LSAMP: variants seen among roughly 807,000 people sequenced by gnomAD.
LSAMP encodes limbic system-associated membrane protein.
LSAMP carries 7 observed loss-of-function variants against 38.6 expected under a neutral mutation model. The observed-to-expected ratio is 0.18, with a 90% CI of 0.10 to 0.34. The LOEUF is 0.34. Among genes scored for constraint, LSAMP ranks in the 10% least tolerant of loss-of-function variants. The pLI is 1.00. For synonymous variants in LSAMP, 154 were observed against 166.8 expected, an observed-to-expected ratio of 0.92 and a Z score of 0.59; for missense variants, 313 against 420.0, an observed-to-expected ratio of 0.75 and a Z score of 2.23.
chr3:116,112,730 G>A (rs908498320), intron 1 of LSAMP, among the ~76,000 whole-genome samples: 4 of 152,148 alleles, frequency 2.6e-5, no homozygotes, highest in Admixed American at 1.3e-4. Context: ...AGTGGGGAAC[G>A]AGTTTGGTAT....
intron 1 of LSAMP, among the ~76,000 whole-genome samples, chr3:116,301,944 A>G (rs1177369096): frequency 6.6e-6 from 1 of 152,188 alleles, no homozygotes; most frequent in Non-Finnish European, 1.5e-5. Flanking sequence ...ATTCACCCAC[A>G]TTTCCATCAC....
rs942367257 is a variant in LSAMP, at chr3:116,304,698, G to T, written c.155+140179C>A. Among the ~76,000 whole-genome samples, 9 of 152,230 alleles carry T rather than the reference G, an allele frequency of 5.9e-5. No individual in the cohort carries two copies. The South Asian group carries it at 1.5e-3, about 25-fold the overall frequency. On this transcript the variant is annotated intron_variant, in intron 1 of 6. Coordinates refer to ENST00000490035, the MANE Select transcript of LSAMP (RefSeq NM_002338.5). ...GCAGCAGTTAGGGAAAATTAATTTT[G>T]GGGTATGGAGAACATCAAGAATACT...
At chr3:116,016,101 A>C (rs1940474709) in intron 3 of LSAMP, among the ~76,000 whole-genome samples, 1 of 152,130 alleles carries the variant, frequency 6.6e-6, no homozygotes, top group South Asian at 2.1e-4. Flanking sequence ...GGTCTCTTCC[A>C]CATAGCTTGT....
intron 3 of LSAMP, among the ~76,000 whole-genome samples, chr3:115,889,698 A>G (rs978142375): frequency 3.3e-5 from 5 of 151,928 alleles, no homozygotes; most frequent in Admixed American, 3.3e-4. Flanking sequence ...AGGTAACCCT[A>G]TAAGAGAAGT....
At chr3:116,288,027 T>TA (rs1313793496) in intron 1 of LSAMP, among the ~76,000 whole-genome samples, 3 of 151,948 alleles carry the variant, frequency 2.0e-5, no homozygotes, top group Non-Finnish European at 2.9e-5. Context: ...CAAAAAGATT[T>TA]AAAAAAAAGT....
At chr3:116,434,925 G>C (rs2049328413) in intron 1 of LSAMP, among the ~76,000 whole-genome samples, 1 of 152,152 alleles carries the variant, frequency 6.6e-6, no homozygotes, top group South Asian at 2.1e-4. Context: ...AAAACAACAG[G>C]CCTTGCATAG....
intron 1 of LSAMP, among the ~76,000 whole-genome samples, chr3:116,316,995 G>C (rs2047638034): frequency 6.6e-6 from 1 of 152,116 alleles, no homozygotes; most frequent in Non-Finnish European, 1.5e-5. Flanking sequence ...TTCCCGGCTT[G>C]AGTGGGGCTT....
chr3:116,006,250 GTT>G (rs1940156804), intron 3 of LSAMP, among the ~76,000 whole-genome samples: 2 of 152,076 alleles, frequency 1.3e-5, no homozygotes, highest in Admixed American at 1.3e-4. Flanking sequence ...ACACCAGAGA[GTT>G]TGCTCACTGT....
chr3:115,855,526 C>T (rs1309916634), intron 3 of LSAMP, among the ~76,000 whole-genome samples: 3 of 152,180 alleles, frequency 2.0e-5, no homozygotes, highest in Admixed American at 6.5e-5. Context: ...TAGCTCTCCT[C>T]CTCTCTGATG....
chr3:115,870,159 A>G (rs1935991290), intron 3 of LSAMP, among the ~76,000 whole-genome samples: 1 of 152,184 alleles, frequency 6.6e-6, no homozygotes, highest in Admixed American at 6.6e-5. Flanking sequence ...GCTTTCAGTT[A>G]CAATGACAGA....
At chr3:116,182,908 T>C (rs886265067) in intron 1 of LSAMP, among the ~76,000 whole-genome samples, 1 of 151,890 alleles carries the variant, frequency 6.6e-6, no homozygotes, top group African/African-American at 2.4e-5. Flanking sequence ...ATGACTATTG[T>C]AGATTTGCTG....
At position 116,064,502 on chromosome 3, in the gene LSAMP, CA is replaced by C. The variant is rs1241685941; in HGVS notation, c.388+21821del. 6.6e-3 allele frequency among the ~76,000 whole-genome samples: 596 copies of C among 90,370 alleles called. 3 individuals are homozygous for C. The highest frequency in any genetic ancestry group is 0.018 in the South Asian group (47 of 2,610). 59.3% of individuals were successfully genotyped at this position (90,370 alleles called of 152,430 possible). On this transcript the variant is annotated intron_variant, in intron 2 of 6. Coordinates refer to ENST00000490035, the MANE Select transcript of LSAMP (RefSeq NM_002338.5). ...TGCATTCCAGAGCGAGACTCCGTCT[CA>C]AAAAAAAAAAAAAAAAAGTCAGTCT...
chr3:116,392,723 C>T (rs1474285953), intron 1 of LSAMP, among the ~76,000 whole-genome samples: 1 of 152,202 alleles, frequency 6.6e-6, no homozygotes, highest in African/African-American at 2.4e-5. Context: ...TGGTGCTTTT[C>T]CCTGGGCCTG....
Position 116,406,005 on chromosome 3 carries a change from A to G in LSAMP, c.155+38872T>C, listed in dbSNP as rs567200065. Among the ~76,000 whole-genome samples, 8 of 152,290 alleles carry G rather than the reference A, an allele frequency of 5.3e-5. No homozygotes were observed. The South Asian group carries it at 1.4e-3, about 28-fold the overall frequency. ...TTTATAAAATTTCTAGTTGTTTCCT[A>G]TATTCACTTTGCTGCAAATTCAAAT... is the stretch of plus-strand genomic sequence containing the variant. On this transcript the variant is annotated intron_variant, in intron 1 of 6. Transcript: ENST00000490035.
At chr3:116,278,258 T>G (rs546695191) in intron 1 of LSAMP, among the ~76,000 whole-genome samples, 13 of 152,310 alleles carry the variant, frequency 8.5e-5, no homozygotes, top group Non-Finnish European at 1.6e-4. Context: ...TAAGAGCTAT[T>G]GTCACTTTGT....
intron 2 of LSAMP, among the ~76,000 whole-genome samples, chr3:116,076,456 A>T (rs185354454): frequency 1.4e-4 from 22 of 152,088 alleles, no homozygotes; most frequent in African/African-American, 4.8e-4. Context: ...ATGGGGTTTC[A>T]CTGTGTTAGC....
chr3:116,122,429 A>G (rs1225272302), intron 1 of LSAMP, among the ~76,000 whole-genome samples: 1 of 152,164 alleles, frequency 6.6e-6, no homozygotes, highest in Admixed American at 6.5e-5. Context: ...TTTAAATGTC[A>G]CCTTATCAAA....
intron 1 of LSAMP, among the ~76,000 whole-genome samples, chr3:116,171,929 C>T (rs1220459544): frequency 6.6e-6 from 1 of 152,020 alleles, no homozygotes; most frequent in Admixed American, 6.6e-5. Context: ...AATAGGCATG[C>T]ATGGATCCTT....
rs3772950 is a variant in LSAMP at position 115,830,567 on chromosome 3, C to A, written c.919+11278G>T. ...GAGTTGAGTTAATACAGGCAAAAGC[C>A]CTTTAAACTCTAATGGTACATGAGA... On this transcript the variant is annotated intron_variant, in intron 6 of 6. Transcript: ENST00000490035. Among the ~76,000 whole-genome samples the A allele has an allele frequency of 2.4e-4, 37 of 152,062 alleles. No homozygotes were observed. The East Asian group carries it at 6.2e-3, about 25-fold the overall frequency.
Sources: allele counts gnomAD v4.1 joint callset (sites outside exome capture counted in the v4.1 genomes callset), GRCh38; gene constraint gnomAD v4.1.1; transcripts MANE v1.5; gene names NCBI Gene and HGNC (gene_info 2026-07-23, HGNC 2026-07-21).